Variants in EEFSEC observed in about 807,000 individuals in gnomAD.
EEFSEC encodes the protein selenocysteine-specific elongation factor.
In EEFSEC, 43 loss-of-function variants were observed where a neutral mutation model predicts 42.1. The observed-to-expected ratio is 1.02, with a 90% CI of 0.80 to 1.32. The LOEUF (loss-of-function observed/expected upper bound fraction) is 1.32. Ranked by LOEUF, EEFSEC falls within the 40% of genes most tolerant of loss-of-function variation. EEFSEC has a pLI of 0.00. For missense variants in EEFSEC, 745 were observed against 803.6 expected, an observed-to-expected ratio of 0.93 and a Z score of 0.88; for synonymous variants, 354 against 339.1, an observed-to-expected ratio of 1.04 and a Z score of -0.48.
intron 4 of EEFSEC, among the ~76,000 whole-genome samples, chr3:128,285,188 C>T (rs1297938752): frequency 6.6e-6 from 1 of 152,042 alleles, no homozygotes; most frequent in Non-Finnish European, 1.5e-5. Flanking sequence ...GAGGTGGGGT[C>T]ATGGGTACTT....
chr3:128,295,230 G>C (rs1559907460), intron 4 of EEFSEC, among the ~76,000 whole-genome samples: 1 of 152,194 alleles, frequency 6.6e-6, no homozygotes, highest in African/African-American at 2.4e-5. Flanking sequence ...CCTGCCTTTG[G>C]TGGTGTCCAA....
At chr3:128,349,880 G>A (rs896503909) in intron 5 of EEFSEC, among the ~76,000 whole-genome samples, 2 of 152,220 alleles carry the variant, frequency 1.3e-5, no homozygotes, top group Admixed American at 1.3e-4. Context: ...TGGGCCCTGG[G>A]TAAACAGTGG....
At chr3:128,367,119 G>T (rs1375092357) in intron 6 of EEFSEC, among the ~76,000 whole-genome samples, 1 of 152,136 alleles carries the variant, frequency 6.6e-6, no homozygotes, top group Non-Finnish European at 1.5e-5. Flanking sequence ...TAGTCAGTTT[G>T]GTTTAGAACT....
intron 1 of EEFSEC, among the ~76,000 whole-genome samples, chr3:128,230,692 A>C (rs1296067280): frequency 2.6e-5 from 4 of 152,200 alleles, no homozygotes; most frequent in Admixed American, 2.0e-4. Context: ...TACAGGTAGG[A>C]GAGACTGAGG....
chr3:128,259,569 G>T (rs886520353), intron 2 of EEFSEC, among the ~76,000 whole-genome samples: 9 of 152,138 alleles, frequency 5.9e-5, no homozygotes, highest in Non-Finnish European at 8.8e-5. Context: ...GGAAAGAATT[G>T]TACAGCCATC....
the EEFSEC span, among the ~76,000 whole-genome samples, chr3:128,421,085 G>C: frequency 6.6e-6 from 1 of 152,152 alleles, no homozygotes; most frequent in Non-Finnish European, 1.5e-5. Context: ...GGCAGGCTTT[G>C]TCCTGTGGCA....
At chr3:128,225,587 C>T (rs1463635849) in intron 1 of EEFSEC, among the ~76,000 whole-genome samples, 6 of 152,228 alleles carry the variant, frequency 3.9e-5, no homozygotes, top group Non-Finnish European at 7.3e-5. Context: ...TCCCCAGCAC[C>T]GTGCCTGGCA....
chr3:128,341,641 G>C lies in EEFSEC; in HGVS notation c.1195G>C (p.Gly399Arg). Residue 399 changes from glycine (G) to arginine (R), a missense_variant, in exon 5 of 7, where the codon GGC (glycine) becomes CGC (arginine). Transcript: ENST00000254730. ...CAATGATGAGGCCGACAAGAAGGCC[G>C]GCCAGGCCACAGAGGGCCATTGTCC... ...TDNDEADKKA[G>R]QATEGHCPRQ... 6.2e-7 allele frequency: 1 copy of C among 1,614,066 alleles called. No individual in the cohort carries two copies. Among genetic ancestry groups the C allele is most frequent in the Admixed American group, 1.7e-5 (1 of 60,030 alleles).
chr3:128,406,860 A>G (rs1356068555), intron 6 of EEFSEC, among the ~76,000 whole-genome samples: 1 of 151,282 alleles, frequency 6.6e-6, no homozygotes, highest in Non-Finnish European at 1.5e-5. Context: ...ACACATATAT[A>G]TACATATATA....
chr3:128,416,152 TC>T, the EEFSEC span, among the ~76,000 whole-genome samples: 1 of 151,756 alleles, frequency 6.6e-6, no homozygotes, highest in Non-Finnish European at 1.5e-5. Context: ...GACAAGCATC[TC>T]CCGGTGGCCG....
the EEFSEC span, among the ~76,000 whole-genome samples, chr3:128,424,054 A>T: frequency 6.6e-6 from 1 of 152,116 alleles, no homozygotes; most frequent in Non-Finnish European, 1.5e-5. Flanking sequence ...ACCCGCACAC[A>T]CACACTATGC....
intron 1 of EEFSEC, among the ~76,000 whole-genome samples, chr3:128,189,364 T>A (rs543358090): frequency 2.6e-4 from 39 of 152,324 alleles, no homozygotes; most frequent in Middle Eastern, 6.8e-3. Flanking sequence ...CCTAGTGCTG[T>A]CATAGCTGTG....
intron 1 of EEFSEC, among the ~76,000 whole-genome samples, chr3:128,192,748 G>A (rs2065539134): frequency 6.6e-6 from 1 of 152,138 alleles, no homozygotes; most frequent in Non-Finnish European, 1.5e-5. Context: ...TGGGGGAGGA[G>A]GTACAGAAAA....
chr3:128,352,521 C>T (rs1000786069), intron 5 of EEFSEC, among the ~76,000 whole-genome samples: 1 of 152,242 alleles, frequency 6.6e-6, no homozygotes, highest in Non-Finnish European at 1.5e-5. Context: ...TCTCTGTAGC[C>T]AATTCCCAGC....
At chr3:128,159,357 T>G (rs1028905946) in intron 1 of EEFSEC, among the ~76,000 whole-genome samples, 2 of 152,246 alleles carry the variant, frequency 1.3e-5, no homozygotes, top group Non-Finnish European at 2.9e-5. Flanking sequence ...CATCTTTGCC[T>G]TCTTGAAATG....
chr3:128,171,986 A>G (rs1434223726), intron 1 of EEFSEC, among the ~76,000 whole-genome samples: 2 of 152,216 alleles, frequency 1.3e-5, no homozygotes, highest in Non-Finnish European at 2.9e-5. Flanking sequence ...ATGGGAGGAT[A>G]TGCATAAGTT....
chr3:128,237,683 G>A (rs1481056679), intron 1 of EEFSEC, among the ~76,000 whole-genome samples: 5 of 152,098 alleles, frequency 3.3e-5, no homozygotes, highest in Non-Finnish European at 7.4e-5. Flanking sequence ...CTTTTGGCGG[G>A]GGTCCAACAC....
intron 4 of EEFSEC, among the ~76,000 whole-genome samples, chr3:128,306,075 T>C (rs1301370258): frequency 1.3e-5 from 2 of 152,216 alleles, no homozygotes; most frequent in East Asian, 3.8e-4. Flanking sequence ...TTCCCCTCTT[T>C]GTTTTGTCAT....
the EEFSEC span, among the ~76,000 whole-genome samples, chr3:128,413,717 G>C: frequency 6.6e-6 from 1 of 152,188 alleles, no homozygotes; most frequent in Non-Finnish European, 1.5e-5. Flanking sequence ...GGGAGCCCAG[G>C]CTGACCTGGC....
Sources: allele counts gnomAD v4.1 joint callset (sites outside exome capture counted in the v4.1 genomes callset), GRCh38; gene constraint gnomAD v4.1.1; transcripts MANE v1.5; gene names NCBI Gene and HGNC (gene_info 2026-07-23, HGNC 2026-07-21).